XKR4: variants seen among roughly 807,000 people sequenced by gnomAD.
XKR4 encodes the protein XK related 4, also known as XK-related protein 4.
In XKR4, 12 loss-of-function variants were observed where a neutral mutation model predicts 53.9. The observed-to-expected ratio is 0.22, with a 90% CI of 0.14 to 0.36. XKR4 has a LOEUF of 0.36. Ranked by LOEUF, XKR4 falls within the 10% of genes least tolerant of loss-of-function variation. The pLI is 1.00. For missense variants in XKR4, 799 were observed against 859.5 expected (o/e 0.93, Z 0.88); for synonymous variants, 354 against 362.4 (o/e 0.98, Z 0.26).
intron 1 of XKR4, among the ~76,000 whole-genome samples, chr8:55,278,677 A>G (rs1015375273): frequency 2.6e-5 from 4 of 152,154 alleles, no homozygotes; most frequent in African/African-American, 7.2e-5. Context: ...TAATTTTATA[A>G]AATATTACAA....
At chr8:55,495,471 T>C (rs533717696) in intron 2 of XKR4, among the ~76,000 whole-genome samples, 54 of 152,292 alleles carry the variant, frequency 3.5e-4, no homozygotes, top group Admixed American at 2.5e-3. Flanking sequence ...GTGGCAGGTG[T>C]TCCAGGTTCT....
At chr8:55,162,120 C>T (rs1816993540) in intron 1 of XKR4, among the ~76,000 whole-genome samples, 1 of 152,222 alleles carries the variant, frequency 6.6e-6, no homozygotes, top group Non-Finnish European at 1.5e-5. Flanking sequence ...TAACCTAACT[C>T]CATGTCTGAC....
At chr8:55,393,855 G>T (rs1005113705) in intron 2 of XKR4, among the ~76,000 whole-genome samples, 9 of 152,118 alleles carry the variant, frequency 5.9e-5, no homozygotes, top group Non-Finnish European at 1.2e-4. Context: ...AAATAAATGA[G>T]ATCCAGAATT....
intron 2 of XKR4, among the ~76,000 whole-genome samples, chr8:55,423,141 G>A (rs990749349): frequency 6.6e-6 from 1 of 151,898 alleles, no homozygotes; most frequent in Non-Finnish European, 1.5e-5. Context: ...TGTTGCCCAG[G>A]CTGGAGTGCA....
chr8:55,172,210 CAA>C (rs35747779), intron 1 of XKR4, among the ~76,000 whole-genome samples: 16 of 137,266 alleles, frequency 1.2e-4, no homozygotes, highest in African/African-American at 1.0e-4. Flanking sequence ...GACTCTCTCT[CAA>C]AAAAAAAAAA....
chr8:55,157,748 C>A (rs1816927663), intron 1 of XKR4, among the ~76,000 whole-genome samples: 2 of 152,186 alleles, frequency 1.3e-5, no homozygotes, highest in Admixed American at 1.3e-4. Context: ...ATGTTTAGCT[C>A]CCACTTACAA....
At chr8:55,490,932 C>T (rs541458435) in intron 2 of XKR4, among the ~76,000 whole-genome samples, 2 of 47,772 alleles carry the variant, frequency 4.2e-5, no homozygotes, top group South Asian at 4.1e-4. Flanking sequence ...TTTTTTCTGC[C>T]CCCCCCCCAC....
chr8:55,434,989 C>A (rs1045445958), intron 2 of XKR4, among the ~76,000 whole-genome samples: 2 of 152,042 alleles, frequency 1.3e-5, no homozygotes, highest in African/African-American at 2.4e-5. Context: ...TCACTACACA[C>A]ACACAAGCAT....
intron 1 of XKR4, among the ~76,000 whole-genome samples, chr8:55,175,123 G>A (rs897537826): frequency 3.2e-4 from 48 of 152,196 alleles, no homozygotes; most frequent in African/African-American, 1.1e-3. Context: ...TACACCCAAA[G>A]ACAGCATTTT....
chr8:55,456,143 G>C (rs1805566199), intron 2 of XKR4, among the ~76,000 whole-genome samples: 1 of 152,170 alleles, frequency 6.6e-6, no homozygotes, highest in South Asian at 2.1e-4. Context: ...GATTGACTCA[G>C]AGTAGCAGCT....
At chr8:55,516,961 CATG>C (rs1388132814) in intron 2 of XKR4, among the ~76,000 whole-genome samples, 1 of 152,116 alleles carries the variant, frequency 6.6e-6, no homozygotes, top group African/African-American at 2.4e-5. Context: ...AGACTGAAAT[CATG>C]TTTTTTTGCA....
At chr8:55,195,166 C>G (rs1443049939) in intron 1 of XKR4, among the ~76,000 whole-genome samples, 16 of 99,032 alleles carry the variant, frequency 1.6e-4, no homozygotes, top group Non-Finnish European at 1.9e-4. Context: ...AGTCCATGAA[C>G]TAACTGGAAA....
intron 2 of XKR4, chr8:55,452,651 G>A: frequency 2.1e-6 from 3 of 1,429,812 alleles, no homozygotes; most frequent in Non-Finnish European, 9.8e-7. Context: ...CCTTGAGGTG[G>A]TCACTGGTGA....
At position 55,523,862 on chromosome 8, in the gene XKR4, G is replaced by C. The variant is rs1806840546; in HGVS notation, c.1588G>C (p.Asp530His). The change falls in exon 3 of 3, where the codon GAC becomes CAC. Residue 530 changes from aspartate to histidine, a missense_variant. Coordinates refer to ENST00000327381, the MANE Select transcript of XKR4 (RefSeq NM_052898.2). ...GCAGTCACCAAGTTGTGCTTGTGAG[G>C]ACCCAGCCGCTGCCTTCACTTTGCC... ...FGQSPSCACE[D>H]PAAAFTLPPD... is the part of the protein sequence containing the mutation. The C allele has an allele frequency of 6.2e-7, 1 of 1,614,146 alleles. No homozygotes were observed. The highest frequency in any genetic ancestry group is 8.5e-7 in the Non-Finnish European group (1 of 1,180,020).
At chr8:55,366,443 C>T (rs769461835) in intron 2 of XKR4, among the ~76,000 whole-genome samples, 14 of 152,202 alleles carry the variant, frequency 9.2e-5, no homozygotes. Context: ...GTCATGAAAA[C>T]GCCCAGGCAG....
rs1297957042 is a variant in XKR4, at chr8:55,535,912, T to C, written c.*11685T>C. 4 of 152,232 alleles carry C rather than the reference T, an allele frequency of 2.6e-5. No individual in the cohort carries two copies. Among genetic ancestry groups the C allele is most frequent in the Non-Finnish European group, 5.9e-5 (4 of 68,048 alleles). The allele number at this position is 152,232 out of a possible 1,614,324, so 9.4% of individuals were successfully genotyped here. On this transcript the variant is annotated 3_prime_UTR_variant, in exon 3 of 3. Transcript: ENST00000327381. ...CTTGACCACTGGTCCCTATGGGCTC[T>C]GCAGGAGAGCTTCTCGTGGGTTCTA...
chr8:55,486,765 C>T (rs1328815642), intron 2 of XKR4, among the ~76,000 whole-genome samples: 2 of 152,194 alleles, frequency 1.3e-5, no homozygotes, highest in Non-Finnish European at 2.9e-5. Flanking sequence ...AGCAATTTTC[C>T]ACCTTCACAG....
chr8:55,218,031 G>C (rs1817829807), intron 1 of XKR4, among the ~76,000 whole-genome samples: 1 of 152,232 alleles, frequency 6.6e-6, no homozygotes, highest in African/African-American at 2.4e-5. Flanking sequence ...TTTCAAAGCT[G>C]TTTGTCTCAA....
intron 1 of XKR4, among the ~76,000 whole-genome samples, chr8:55,255,835 G>A (rs1818431404): frequency 6.6e-6 from 1 of 152,056 alleles, no homozygotes; most frequent in Admixed American, 6.6e-5. Context: ...ATACAAATGA[G>A]TGTCCGTTGT....
Sources: allele counts gnomAD v4.1 joint callset (sites outside exome capture counted in the v4.1 genomes callset), GRCh38; gene constraint gnomAD v4.1.1; transcripts MANE v1.5; gene names NCBI Gene and HGNC (gene_info 2026-07-23, HGNC 2026-07-21).